WDR35: variants seen among roughly 807,000 people sequenced by gnomAD.
WDR35 encodes the protein WD repeat-containing protein 35.
In WDR35, 118 loss-of-function variants were observed where a neutral mutation model predicts 158.3. The observed-to-expected ratio is 0.75, with a 90% CI of 0.64 to 0.87. The LOEUF is 0.87. Among genes scored for constraint, WDR35 ranks in the 40% least tolerant of loss-of-function variants. The pLI, the probability that WDR35 is intolerant of heterozygous loss-of-function variation, is 0.00. For missense variants in WDR35, 1,263 were observed against 1,405.8 expected (o/e 0.90, Z 1.62); for synonymous variants, 448 against 476.1 (o/e 0.94, Z 0.77).
intron 10 of WDR35, 73 bp from the exon 11 acceptor site, chr2:19,960,687 T>C (rs1355707122): frequency 1.7e-5 from 19 of 1,143,154 alleles, no homozygotes; most frequent in Admixed American, 1.2e-4. Flanking sequence ...TTAATATATA[T>C]CATGCTTATC....
chr2:19,969,944 T>C (rs1049446343), intron 8 of WDR35, among the ~76,000 whole-genome samples: 9 of 152,142 alleles, frequency 5.9e-5, no homozygotes, highest in African/African-American at 2.2e-4. Flanking sequence ...AGACAGGGTT[T>C]CACTGTGTTA....
In WDR35 at chr2:19,932,448, C is replaced by G. The variant is rs1558328948; in HGVS notation, c.2659-1G>C. ...TAGCCAATTCAACAGCTTTGTTCCA[C>G]TAGGAGAAAAATTACACCATTCAGT... On this transcript the variant is annotated splice_acceptor_variant, in intron 22 of 26. Transcript: ENST00000281405. LOFTEE classifies it high-confidence loss of function. The G allele has an allele frequency of 1.2e-6, 2 of 1,613,096 alleles. No individual in the cohort carries two copies. Among genetic ancestry groups the G allele is most frequent in the South Asian group, 2.2e-5 (2 of 91,058 alleles).
At chr2:19,977,297 C>T (rs1168272748) in intron 5 of WDR35, among the ~76,000 whole-genome samples, 3 of 152,230 alleles carry the variant, frequency 2.0e-5, no homozygotes, top group African/African-American at 7.2e-5. Context: ...GATAGATTTA[C>T]TTGAATGGCC....
intron 10 of WDR35, among the ~76,000 whole-genome samples, chr2:19,964,968 G>A (rs1671801692): frequency 6.6e-6 from 1 of 151,782 alleles, no homozygotes; most frequent in Non-Finnish European, 1.5e-5. Context: ...CTTTCGCCCA[G>A]GTTGGAGTGC....
Position 19,973,797 on chromosome 2 carries a change from T to A in WDR35, c.737-89A>T, listed in dbSNP as rs1242741607. ...CTTAAGAACAACTTTTAAACATTTT[T>A]AAAACTTTCCACATTTTTAAAAAAA... is the stretch of plus-strand genomic sequence containing the variant. On this transcript the variant is annotated intron_variant, in intron 7 of 26. Coordinates refer to ENST00000281405, the MANE Select transcript of WDR35 (RefSeq NM_020779.4). The A allele has an allele frequency of 3.3e-6, 5 of 1,520,404 alleles. No homozygotes were observed. The South Asian group carries it at 4.8e-5, about 15-fold the overall frequency. 94.2% of individuals were successfully genotyped at this position (1,520,404 alleles called of 1,614,324 possible).
intron 9 of WDR35, 110 bp downstream of exon 9, chr2:19,969,370 C>A: frequency 8.4e-7 from 1 of 1,187,494 alleles, no homozygotes; most frequent in Non-Finnish European, 1.2e-6. Flanking sequence ...CACAAAAAGG[C>A]TTCCTTTCTG....
At chr2:19,950,115 G>GT (rs1241666644) in intron 13 of WDR35, among the ~76,000 whole-genome samples, 3 of 152,056 alleles carry the variant, frequency 2.0e-5, no homozygotes, top group African/African-American at 4.8e-5. Context: ...GTATTCACAG[G>GT]TTTTTTTAAA....
At chr2:19,965,136 C>G (rs1671807220) in intron 10 of WDR35, among the ~76,000 whole-genome samples, 1 of 152,058 alleles carries the variant, frequency 6.6e-6, no homozygotes, top group African/African-American at 2.4e-5. Context: ...TTAGCCAGGC[C>G]GATCTCGAAC....
At chr2:19,982,335 A>G in intron 3 of WDR35, 128 bp downstream of exon 3, 1 of 911,332 alleles carries the variant, frequency 1.1e-6, no homozygotes, top group Non-Finnish European at 1.7e-6. Flanking sequence ...TCCCCATCGT[A>G]ACTCAAAGAG....
Position 19,962,341 on chromosome 2 carries a change from T to C in WDR35, c.1195-1727A>G, listed in dbSNP as rs763374643. The C allele has an allele frequency of 5.0e-6, 8 of 1,612,706 alleles. No individual in the cohort carries two copies. Among genetic ancestry groups the C allele is most frequent in the Non-Finnish European group, 5.9e-6 (7 of 1,179,714 alleles). ...CTCGTTCTCCTCCTTTGAAGCAATA[T>C]ATAAATGACAGGAGAAATTCAGAAA... On this transcript the variant is annotated intron_variant, in intron 10 of 26. Transcript: ENST00000281405.
rs146380332 is a variant in WDR35, at chr2:19,953,858, C to T, written c.1376G>A (p.Arg459Gln). 1.1e-4 allele frequency: 175 copies of T among 1,613,868 alleles called. No homozygotes were observed. Among genetic ancestry groups the T allele is most frequent in the Non-Finnish European group, 1.4e-4 (161 of 1,180,008 alleles). The change falls in exon 12 of 27, where the codon CGG (arginine) becomes CAG (glutamine). Residue 459 changes from arginine to glutamine, a missense_variant. Transcript: ENST00000281405. ...LTALEINQITRSRKEGRERIY... is the reference protein window; with the variant it reads ...LTALEINQITQSRKEGRERIY... ...CCTTTCTCTCCCTTCTTTTCGAGAC[C>T]GTGTGATCTGATTAATTTCCAATGC... is the stretch of plus-strand genomic sequence containing the variant.
intron 25 of WDR35, among the ~76,000 whole-genome samples, chr2:19,921,398 G>C (rs1670163383): frequency 6.6e-6 from 1 of 152,108 alleles, no homozygotes. Flanking sequence ...CAATGGAACA[G>C]AATAGAGGCC....
intron 12 of WDR35, 108 bp downstream of exon 12, chr2:19,953,726 C>T (rs1671324220): frequency 7.1e-7 from 1 of 1,402,868 alleles, no homozygotes; most frequent in Admixed American, 1.8e-5. Flanking sequence ...AAAAACATTT[C>T]TACTAATCAA....
chr2:19,989,754 C>A (rs892845226), intron 1 of WDR35, among the ~76,000 whole-genome samples: 2 of 152,202 alleles, frequency 1.3e-5, no homozygotes, highest in East Asian at 3.9e-4. Flanking sequence ...CCCAAAAGGA[C>A]CTAGCCAGGG....
chr2:19,930,364 G>A, intron 25 of WDR35, 32 bp downstream of exon 25: 1 of 1,613,960 alleles, frequency 6.2e-7, no homozygotes, highest in Non-Finnish European at 8.5e-7. Context: ...ATAATTTTCA[G>A]ACATACTATA....
intron 17 of WDR35, among the ~76,000 whole-genome samples, chr2:19,939,020 A>G (rs754669179): frequency 5.3e-5 from 8 of 152,316 alleles, no homozygotes; most frequent in Non-Finnish European, 8.8e-5. Flanking sequence ...TATCTAAAAA[A>G]CTTCACAAAA....
chr2:19,962,152 T>C, intron 10 of WDR35: 2 of 818,120 alleles, frequency 2.4e-6, no homozygotes, highest in South Asian at 3.6e-5. Flanking sequence ...ATAAAGTTTC[T>C]ATTTTTATTT....
At chr2:19,918,917 T>C (rs565452816) in intron 25 of WDR35, among the ~76,000 whole-genome samples, 45 of 152,204 alleles carry the variant, frequency 3.0e-4, no homozygotes, top group Non-Finnish European at 5.4e-4. Flanking sequence ...TCTACGGAAC[T>C]CTCCACCCCA....
intron 1 of WDR35, 141 bp from the exon 2 acceptor site, chr2:19,989,423 T>C (rs1572375639): frequency 1.3e-6 from 1 of 787,124 alleles, no homozygotes; most frequent in Non-Finnish European, 2.2e-6. Context: ...GTTGTGAAAA[T>C]GGGCATGGTC....
Sources: allele counts gnomAD v4.1 joint callset (sites outside exome capture counted in the v4.1 genomes callset), GRCh38; gene constraint gnomAD v4.1.1; transcripts MANE v1.5; gene names NCBI Gene and HGNC (gene_info 2026-07-23, HGNC 2026-07-21).